Variants in ADD1 observed in about 807,000 individuals in gnomAD.
ADD1 encodes adducin 1, also known as alpha-adducin.
Under a neutral mutation model 80.5 loss-of-function variants are expected in ADD1, and 24 were observed. The ratio of observed to expected loss-of-function variants is 0.30; its 90% confidence interval spans 0.22 to 0.42. ADD1 has a LOEUF of 0.42. Among genes scored for constraint, ADD1 ranks in the 10% least tolerant of loss-of-function variants. The probability of loss-of-function intolerance (pLI) is 1.00; values close to 1 mark genes in which losing one functional copy is unlikely to be tolerated. For missense variants in ADD1, 948 were observed against 1,019.0 expected, an observed-to-expected ratio of 0.93 and a Z score of 0.95; for synonymous variants, 373 against 393.8, an observed-to-expected ratio of 0.95 and a Z score of 0.63.
intron 1 of ADD1, among the ~76,000 whole-genome samples, chr4:2,872,908 C>T (rs1264550824): frequency 6.6e-6 from 1 of 151,950 alleles, no homozygotes; most frequent in African/African-American, 2.4e-5. Context: ...TAAATTTATT[C>T]TAAGATACTA....
At chr4:2,874,535 A>T (rs2108885749) in intron 1 of ADD1, among the ~76,000 whole-genome samples, 1 of 150,960 alleles carries the variant, frequency 6.6e-6, no homozygotes, top group South Asian at 2.1e-4. Context: ...TGAACCTGGG[A>T]GGCGGAGGTT....
chr4:2,865,370 T>C (rs1329303930), intron 1 of ADD1, among the ~76,000 whole-genome samples: 2 of 152,242 alleles, frequency 1.3e-5, no homozygotes, highest in East Asian at 1.9e-4. Flanking sequence ...CCTGCCTAGC[T>C]CTAAAAAGGA....
At chr4:2,920,931 C>T (rs79401017) in intron 14 of ADD1, among the ~76,000 whole-genome samples, 4 of 152,036 alleles carry the variant, frequency 2.6e-5, no homozygotes, top group South Asian at 4.1e-4. Context: ...TTCATAGTGT[C>T]GATGGTCTTT....
At chr4:2,874,471 G>A (rs1730943395) in intron 1 of ADD1, among the ~76,000 whole-genome samples, 2 of 151,824 alleles carry the variant, frequency 1.3e-5, no homozygotes, top group South Asian at 2.1e-4. Flanking sequence ...CCCGGGTGTG[G>A]TGGCACGTGC....
intron 14 of ADD1, among the ~76,000 whole-genome samples, chr4:2,922,197 C>G (rs1292127283): frequency 6.6e-6 from 1 of 152,108 alleles, no homozygotes; most frequent in Non-Finnish European, 1.5e-5. Context: ...AGTTGTGATC[C>G]TTTGGAGGAG....
chr4:2,861,484 G>C (rs1483851292), intron 1 of ADD1, among the ~76,000 whole-genome samples: 1 of 152,180 alleles, frequency 6.6e-6, no homozygotes, highest in Non-Finnish European at 1.5e-5. Flanking sequence ...GTCTTATTTT[G>C]AATAAGTTAG....
rs923473763 is a variant in ADD1 at position 2,882,204 on chromosome 4, A to G, written c.358+144A>G. ...GAAAATTAATGTGTTTTCGTTAGTCATAGTAAAAGATAGGCTGGAATTCTG... is the reference window on the plus strand; with the variant it reads ...GAAAATTAATGTGTTTTCGTTAGTCGTAGTAAAAGATAGGCTGGAATTCTG... On this transcript the variant is annotated intron_variant, in intron 3 of 15. Coordinates refer to ENST00000683351, the MANE Select transcript of ADD1 (RefSeq NM_001354761.2). The G allele has an allele frequency of 1.7e-5, 12 of 711,482 alleles. No individual in the cohort carries two copies. The African/African-American group carries it at 2.2e-4, about 13-fold the overall frequency. 44.1% of individuals were successfully genotyped at this position (711,482 alleles called of 1,614,324 possible).
intron 9 of ADD1, chr4:2,903,053 A>T (rs1305747175): frequency 6.6e-6 from 1 of 151,980 alleles, no homozygotes; most frequent in African/African-American, 2.4e-5. Flanking sequence ...TTAAAAAAAT[A>T]AAAAAAATAT....
In ADD1 at chr4:2,915,067, C is replaced by T. The variant is rs768556336; in HGVS notation, c.1948+27C>T. ...TGAGTGCTTGTGGTCCTGGGCACGG[C>T]CACTCCAGAAGGTGAAAGTGCTCTG... On this transcript the variant is annotated intron_variant, in intron 14 of 15. Coordinates refer to ENST00000683351, the MANE Select transcript of ADD1 (RefSeq NM_001354761.2). The T allele has an allele frequency of 9.4e-6, 15 of 1,589,840 alleles. No homozygotes were observed. In the African/African-American group the frequency reaches 1.7e-4, roughly 19 times the overall value.
At chr4:2,877,078 T>G (rs1231998799) in intron 2 of ADD1, among the ~76,000 whole-genome samples, 2 of 152,008 alleles carry the variant, frequency 1.3e-5, no homozygotes, top group Non-Finnish European at 2.9e-5. Flanking sequence ...AATTGATTGA[T>G]ACCTTTAGTT....
At position 2,857,678 on chromosome 4, in the gene ADD1, A is replaced by G. The variant is rs144271483; in HGVS notation, c.-21+13654A>G. On this transcript the variant is annotated intron_variant, in intron 1 of 15. Coordinates refer to ENST00000683351, the MANE Select transcript of ADD1 (RefSeq NM_001354761.2). ...TTGAGGTCTCCAAATGGAAATAGTG[A>G]TTGGGCACTAGTTTAAAATGTACAA... Among the ~76,000 whole-genome samples the G allele has an allele frequency of 9.8e-5, 15 of 152,308 alleles. No homozygotes were observed. In the East Asian group the frequency reaches 2.9e-3, roughly 29 times the overall value.
intron 4 of ADD1, among the ~76,000 whole-genome samples, chr4:2,889,555 C>G (rs2108979279): frequency 6.6e-6 from 1 of 152,016 alleles, no homozygotes; most frequent in South Asian, 2.1e-4. Context: ...GGCGTGGTGG[C>G]TTATGCCTGT....
At chr4:2,882,463 A>G (rs1251799809) in intron 3 of ADD1, among the ~76,000 whole-genome samples, 1 of 152,242 alleles carries the variant, frequency 6.6e-6, no homozygotes, top group African/African-American at 2.4e-5. Context: ...AGCCAGAGGA[A>G]AAGTACTGGA....
intron 4 of ADD1, among the ~76,000 whole-genome samples, chr4:2,891,124 TAA>T (rs373441690): frequency 2.1e-5 from 3 of 145,344 alleles, no homozygotes; most frequent in Non-Finnish European, 4.5e-5. Flanking sequence ...GTCTCTATTT[TAA>T]AAAAAAAAAA....
intron 1 of ADD1, among the ~76,000 whole-genome samples, chr4:2,861,363 A>G (rs1728795255): frequency 6.6e-6 from 1 of 152,136 alleles, no homozygotes; most frequent in Non-Finnish European, 1.5e-5. Context: ...ATGAGCTACC[A>G]CTCCCAAATT....
chr4:2,899,254 A>G lies in ADD1; in HGVS notation c.985-5A>G. On this transcript the variant is annotated splice_region_variant and splice_polypyrimidine_tract_variant and intron_variant, in intron 8 of 15. Transcript: ENST00000683351. ...TCAAGCCATGCTGTGTGTGTTTTGG[A>G]AAAGGTTCGAACTCTGGCCAGTGCA... 1 of 1,601,932 alleles carries G rather than the reference A, an allele frequency of 6.2e-7. No individual in the cohort carries two copies. Among genetic ancestry groups the G allele is most frequent in the Non-Finnish European group, 8.5e-7 (1 of 1,171,456 alleles).
At chr4:2,844,143 C>G (rs992546324) in intron 1 of ADD1, 119 bp downstream of exon 1, 7 of 144,614 alleles carry the variant, frequency 4.8e-5, no homozygotes, top group Admixed American at 4.8e-4. Flanking sequence ...GCGGCCCGGG[C>G]AGCCTCGGGG....
chr4:2,864,335 C>A (rs1729231012), intron 1 of ADD1, among the ~76,000 whole-genome samples: 1 of 152,134 alleles, frequency 6.6e-6, no homozygotes, highest in Non-Finnish European at 1.5e-5. Flanking sequence ...ATTGCTTGAA[C>A]CCGGGAGGCG....
intron 9 of ADD1, chr4:2,899,720 G>C (rs1553844783): frequency 4.5e-6 from 2 of 442,162 alleles, no homozygotes; most frequent in Non-Finnish European, 4.2e-6. Flanking sequence ...GACCAGCTGT[G>C]TCAGCTCAGT....
Sources: gnomAD v4.1 joint callset for allele counts (sites outside exome capture counted in the v4.1 genomes callset) on GRCh38, gnomAD v4.1.1 for gene constraint, MANE v1.5 for transcripts, NCBI Gene and HGNC (gene_info 2026-07-23, HGNC 2026-07-21) for gene names.